SEMA4F: variants seen among roughly 807,000 people sequenced by gnomAD.
SEMA4F encodes the protein ssemaphorin 4F.
Under a neutral mutation model 78.4 loss-of-function variants are expected in SEMA4F, and 51 were observed. The observed-to-expected ratio is 0.65, with a 90% CI of 0.52 to 0.82. The LOEUF (loss-of-function observed/expected upper bound fraction) is 0.82. Ranked by LOEUF, SEMA4F falls within the 40% of genes least tolerant of loss-of-function variation. SEMA4F has a pLI of 0.00. For synonymous variants in SEMA4F, 418 were observed against 408.7 expected (o/e 1.02, Z -0.27); for missense variants, 938 against 1,014.4 (o/e 0.92, Z 1.02).
chr2:74,694,481 T>C, the SEMA4F span, among the ~76,000 whole-genome samples: 11 of 152,182 alleles, frequency 7.2e-5, no homozygotes, highest in Non-Finnish European at 1.2e-4. Flanking sequence ...ATGCAGAGTT[T>C]GAAGCCAAGT....
downstream of SEMA4F, among the ~76,000 whole-genome samples, chr2:74,687,907 AT>A (rs1380505821): frequency 1.2e-4 from 18 of 152,294 alleles, no homozygotes; most frequent in African/African-American, 4.3e-4. Flanking sequence ...GAATCAAAGT[AT>A]CCCTGGAAGG....
intron 7 of SEMA4F, 56 bp downstream of exon 7, chr2:74,673,884 C>A: frequency 6.4e-7 from 1 of 1,556,112 alleles, no homozygotes; most frequent in Non-Finnish European, 8.7e-7. Context: ...TGTCCCCCGT[C>A]TTATCTTTTC....
chr2:74,662,391 A>G (rs1438378057), intron 4 of SEMA4F, among the ~76,000 whole-genome samples: 2 of 152,130 alleles, frequency 1.3e-5, no homozygotes, highest in Non-Finnish European at 2.9e-5. Flanking sequence ...CAAACCCTAC[A>G]GTTCAGCAGT....
the SEMA4F span, among the ~76,000 whole-genome samples, chr2:74,696,402 T>C: frequency 2.0e-5 from 3 of 152,212 alleles, no homozygotes; most frequent in South Asian, 6.2e-4. Flanking sequence ...TTCATCATGT[T>C]GGCCAGGCTG....
chr2:74,654,517 C>G lies in SEMA4F; in HGVS notation c.141C>G (p.Ile47Met). 1.3e-6 allele frequency: 2 copies of G among 1,563,524 alleles called. No individual in the cohort carries two copies. Among genetic ancestry groups the G allele is most frequent in the Non-Finnish European group, 1.7e-6 (2 of 1,157,596 alleles). Residue 47 changes from isoleucine to methionine, a missense_variant, in exon 1 of 14, where the codon ATC (isoleucine) becomes ATG (methionine). Transcript: ENST00000357877. The part of the protein sequence containing the change: ...PRSVPRTSLP[I>M]SEADSCLTRF... ...CGGTGCCCAGAACCTCGCTTCCAAT[C>G]TCTGGTAAGGCGCGGACGCCCACGC...
At position 74,659,781 on chromosome 2, in the gene SEMA4F, C is replaced by T. The variant is rs117546658; in HGVS notation, c.456+1830C>T. Among the ~76,000 whole-genome samples, 44 of 152,306 alleles carry T rather than the reference C, an allele frequency of 2.9e-4. 1 individual carries two copies. The East Asian group carries it at 7.7e-3, about 27-fold the overall frequency. On this transcript the variant is annotated intron_variant, in intron 4 of 13. Coordinates refer to ENST00000357877, the MANE Select transcript of SEMA4F (RefSeq NM_004263.5). ...CCTTTATCCTCACTGCTGAACCTCT[C>T]ATGTCCTAGACTGATGACTTTGAGA...
chr2:74,655,998 A>G (rs363712), intron 1 of SEMA4F, among the ~76,000 whole-genome samples: 14,379 of 151,888 alleles, frequency 0.095, 2,126 homozygotes, highest in African/African-American at 0.32. Flanking sequence ...TTTGAATGCT[A>G]ATATGAGGTT....
At chr2:74,654,813 A>C (rs1316509579) in intron 1 of SEMA4F, among the ~76,000 whole-genome samples, 1 of 152,202 alleles carries the variant, frequency 6.6e-6, no homozygotes, top group African/African-American at 2.4e-5. Flanking sequence ...AGGAGCGTCC[A>C]GTCCTCACCG....
rs138785077 is a variant in SEMA4F at position 74,681,258 on chromosome 2, C to G, written c.*1049C>G. 1 of 152,748 alleles carries G rather than the reference C, an allele frequency of 6.5e-6. No individual in the cohort carries two copies. The highest frequency in any genetic ancestry group is 6.5e-5 in the Admixed American group (1 of 15,300). The allele number at this position is 152,748 out of a possible 1,614,324, so 9.5% of individuals were successfully genotyped here. On this transcript the variant is annotated 3_prime_UTR_variant, in exon 14 of 14. Transcript: ENST00000357877. ...CACCCTTGCCCTAAAGCAGGAGTCC[C>G]CCCTACCTGGGGTCCATGGACTCCC...
rs762528565 is a variant in SEMA4F, at chr2:74,675,761, G to A, written c.1495G>A (p.Val499Ile). 4.3e-6 allele frequency: 7 copies of A among 1,614,098 alleles called. No individual in the cohort carries two copies. Among genetic ancestry groups the A allele is most frequent in the East Asian group, 2.2e-5 (1 of 44,886 alleles). ...NMKLYHSWLL[V>I]GSRTEVTQVN... The stretch of plus-strand genomic sequence containing the variant: ...TCCGTTTTTATAGAGCTGGCTCCTG[G>A]TTGGCTCCCGTACTGAGGTGACACA... The change falls in exon 12 of 14, where the codon GTT (valine) becomes ATT (isoleucine). Residue 499 changes from valine to isoleucine, a missense_variant. By Grantham distance (29) the Val-to-Ile change is conservative (BLOSUM62 3). Coordinates refer to ENST00000357877, the MANE Select transcript of SEMA4F (RefSeq NM_004263.5).
At chr2:74,655,248 G>T in intron 1 of SEMA4F, 1 of 363,040 alleles carries the variant, frequency 2.8e-6, no homozygotes, top group Non-Finnish European at 5.7e-6. Context: ...GTAAAGTTCT[G>T]CTTAAATGAT....
chr2:74,662,622 A>G (rs933622957), intron 4 of SEMA4F, 110 bp from the exon 5 acceptor site: 2 of 860,800 alleles, frequency 2.3e-6, no homozygotes, highest in African/African-American at 3.3e-5. Flanking sequence ...TAGGGAGTGG[A>G]AGGGGAGAGG....
chr2:74,665,982 A>G (rs1684677814), intron 5 of SEMA4F, among the ~76,000 whole-genome samples: 1 of 150,084 alleles, frequency 6.7e-6, no homozygotes, highest in South Asian at 2.1e-4. Context: ...ATCTCGGCTC[A>G]CTGCAACCTT....
chr2:74,691,417 G>A, the SEMA4F span, among the ~76,000 whole-genome samples: 1 of 152,164 alleles, frequency 6.6e-6, no homozygotes, highest in Non-Finnish European at 1.5e-5. Flanking sequence ...AGGCATCCTC[G>A]GGGAGCATGC....
the SEMA4F span, among the ~76,000 whole-genome samples, chr2:74,706,193 G>A: frequency 0.28 from 42,731 of 151,966 alleles, 9,011 homozygotes; most frequent in East Asian, 0.82. Context: ...ATAATTGCAT[G>A]GGATATTATG....
At chr2:74,693,603 G>A in the SEMA4F span, among the ~76,000 whole-genome samples, 1 of 152,222 alleles carries the variant, frequency 6.6e-6, no homozygotes, top group Non-Finnish European at 1.5e-5. Context: ...GCCTGTGAAT[G>A]TCCTAGTGCT....
chr2:74,694,693 T>C, the SEMA4F span, among the ~76,000 whole-genome samples: 5,221 of 152,286 alleles, frequency 0.034, 268 homozygotes, highest in African/African-American at 0.11. Context: ...CTATCTTCAT[T>C]TTGATGCCAA....
intron 5 of SEMA4F, among the ~76,000 whole-genome samples, chr2:74,671,070 G>C (rs1684957864): frequency 6.6e-6 from 1 of 151,950 alleles, no homozygotes; most frequent in South Asian, 2.1e-4. Flanking sequence ...TGAGGAACCT[G>C]AGGCTTAGGA....
At chr2:74,672,884 T>A (rs1685057878) in intron 5 of SEMA4F, among the ~76,000 whole-genome samples, 1 of 152,226 alleles carries the variant, frequency 6.6e-6, no homozygotes, top group African/African-American at 2.4e-5. Flanking sequence ...TTCTTCAAAA[T>A]GCAGGTTCTT....
Sources: gnomAD v4.1 joint callset for allele counts (sites outside exome capture counted in the v4.1 genomes callset) on GRCh38, gnomAD v4.1.1 for gene constraint, MANE v1.5 for transcripts, NCBI Gene and HGNC (gene_info 2026-07-23, HGNC 2026-07-21) for gene names.